UST: variants seen among roughly 807,000 people sequenced by gnomAD.
UST encodes chondroitin sulfate 2-O-sulfotransferase.
A neutral mutation model predicts 45.6 loss-of-function variants in UST; 21 were observed. That is an observed-to-expected ratio of 0.46 (90% CI 0.33 to 0.66). The LOEUF is 0.66. UST is among the 30% of genes least tolerant of loss of function. The pLI is 0.02. For missense variants in UST, 463 were observed against 512.4 expected (o/e 0.90, Z 0.93); for synonymous variants, 215 against 200.6 (o/e 1.07, Z -0.61).
At chr6:148,843,038 T>G (rs1371477048) in intron 1 of UST, among the ~76,000 whole-genome samples, 1 of 152,252 alleles carries the variant, frequency 6.6e-6, no homozygotes, top group East Asian at 1.9e-4. Context: ...TTCCTGTAGC[T>G]AAACAAACAT....
At chr6:148,913,414 A>AC (rs1779514288) in intron 2 of UST, among the ~76,000 whole-genome samples, 1 of 139,100 alleles carries the variant, frequency 7.2e-6, no homozygotes, top group Non-Finnish European at 1.5e-5. Flanking sequence ...CGTATTTGGG[A>AC]CCAAAAATCT....
chr6:148,782,898 A>AGAGG (rs1169924264), intron 1 of UST, among the ~76,000 whole-genome samples: 1 of 152,252 alleles, frequency 6.6e-6, no homozygotes, highest in Non-Finnish European at 1.5e-5. Context: ...GCAGAGCTTG[A>AGAGG]GAGGATTGGC....
intron 5 of UST, among the ~76,000 whole-genome samples, chr6:148,987,777 A>G (rs554807502): frequency 1.3e-5 from 2 of 152,290 alleles, no homozygotes; most frequent in South Asian, 4.1e-4. Context: ...GAGAATTCCT[A>G]CTGCCATGAC....
At chr6:148,787,647 G>A (rs972971288) in intron 1 of UST, among the ~76,000 whole-genome samples, 1 of 152,122 alleles carries the variant, frequency 6.6e-6, no homozygotes, top group African/African-American at 2.4e-5. Context: ...TGTTCTTTTT[G>A]CTTAGGATTG....
At chr6:148,951,947 A>G (rs1010995512) in intron 3 of UST, among the ~76,000 whole-genome samples, 3 of 152,210 alleles carry the variant, frequency 2.0e-5, no homozygotes, top group Non-Finnish European at 4.4e-5. Flanking sequence ...AATTTAACAC[A>G]TTGACATGTG....
chr6:148,811,276 G>C (rs963393703), intron 1 of UST, among the ~76,000 whole-genome samples: 7 of 152,102 alleles, frequency 4.6e-5, no homozygotes, highest in African/African-American at 1.7e-4. Context: ...ACAAACCTAG[G>C]CTTGTTCTTT....
intron 5 of UST, among the ~76,000 whole-genome samples, chr6:148,992,533 G>T (rs1258305836): frequency 2.0e-5 from 3 of 152,156 alleles, no homozygotes; most frequent in African/African-American, 7.2e-5. Flanking sequence ...ACCTCACTTT[G>T]AGAACCACTG....
At chr6:149,037,483 T>C (rs1304239983) in intron 7 of UST, among the ~76,000 whole-genome samples, 1 of 152,132 alleles carries the variant, frequency 6.6e-6, no homozygotes, top group African/African-American at 2.4e-5. Context: ...GGGAGGGGGT[T>C]TTCCCCAGCC....
intron 7 of UST, among the ~76,000 whole-genome samples, chr6:149,033,096 G>A (rs1776180294): frequency 6.6e-6 from 1 of 152,178 alleles, no homozygotes; most frequent in South Asian, 2.1e-4. Context: ...GGGGTTGATG[G>A]TTGATCTTTA....
chr6:148,837,705 C>G (rs1221028170), intron 1 of UST, among the ~76,000 whole-genome samples: 1 of 147,886 alleles, frequency 6.8e-6, no homozygotes, highest in African/African-American at 2.5e-5. Flanking sequence ...TTTTTTCTCT[C>G]CTTTTTTTGA....
chr6:148,984,387 G>C (rs532044405), intron 5 of UST, among the ~76,000 whole-genome samples: 1 of 152,284 alleles, frequency 6.6e-6, no homozygotes, highest in South Asian at 2.1e-4. Context: ...GAGAACAGGG[G>C]TGTGATATGA....
intron 1 of UST, among the ~76,000 whole-genome samples, chr6:148,868,809 A>C (rs896122167): frequency 5.3e-5 from 8 of 152,204 alleles, no homozygotes; most frequent in Admixed American, 3.9e-4. Flanking sequence ...ATCTTTCAGC[A>C]CCAGACTGAT....
chr6:148,995,371 T>C (rs895383479), intron 5 of UST, among the ~76,000 whole-genome samples: 7 of 152,212 alleles, frequency 4.6e-5, no homozygotes, highest in Admixed American at 3.9e-4. Flanking sequence ...CTCAAAAAGA[T>C]GGAGTGCTTC....
chr6:148,932,109 G>A (rs1351189898), intron 2 of UST, among the ~76,000 whole-genome samples: 2 of 152,206 alleles, frequency 1.3e-5, no homozygotes, highest in Non-Finnish European at 2.9e-5. Context: ...GCCGAGCGCG[G>A]TGCCTCATGC....
At chr6:148,973,323 T>A (rs1032370270) in intron 5 of UST, among the ~76,000 whole-genome samples, 1 of 152,228 alleles carries the variant, frequency 6.6e-6, no homozygotes, top group African/African-American at 2.4e-5. Flanking sequence ...TAAAACAGAA[T>A]GAGCACTTTG....
intron 1 of UST, among the ~76,000 whole-genome samples, chr6:148,787,371 T>G (rs1776752491): frequency 6.6e-6 from 1 of 152,232 alleles, no homozygotes; most frequent in Non-Finnish European, 1.5e-5. Flanking sequence ...TTGTATATGG[T>G]GTAAGGAAGG....
chr6:148,947,746 T>C (rs756775455), intron 3 of UST, among the ~76,000 whole-genome samples: 12 of 152,102 alleles, frequency 7.9e-5, no homozygotes, highest in Admixed American at 2.0e-4. Context: ...CCCGACTTTA[T>C]AGGAGTGGGG....
chr6:148,909,970 G>A (rs1310300219), intron 2 of UST, among the ~76,000 whole-genome samples: 1 of 152,032 alleles, frequency 6.6e-6, no homozygotes, highest in Non-Finnish European at 1.5e-5. Context: ...AAAGCAATAG[G>A]AACTGTTCTG....
At chr6:148,920,067 G>A (rs552420671) in intron 2 of UST, among the ~76,000 whole-genome samples, 15 of 151,400 alleles carry the variant, frequency 9.9e-5, no homozygotes, top group Non-Finnish European at 1.9e-4. Context: ...TAGAAGGCAG[G>A]TACACAAAAA....
Sources: gnomAD v4.1 joint callset for allele counts (sites outside exome capture counted in the v4.1 genomes callset) on GRCh38, gnomAD v4.1.1 for gene constraint, MANE v1.5 for transcripts, NCBI Gene and HGNC (gene_info 2026-07-23, HGNC 2026-07-21) for gene names.